The following PTCHD4 variants were observed in gnomAD, a reference collection of about 807,000 sequenced individuals.
The protein encoded by PTCHD4 is patched domain-containing protein 4.
A neutral mutation model predicts 58.1 loss-of-function variants in PTCHD4; 33 were observed. That is an observed-to-expected ratio of 0.57 (90% confidence interval 0.43 to 0.76). PTCHD4 has a LOEUF of 0.76. Among genes scored for constraint, PTCHD4 ranks in the 30% least tolerant of loss-of-function variants. The pLI is 0.00. For synonymous variants in PTCHD4, 478 were observed against 409.6 expected (o/e 1.17, Z -2.02); for missense variants, 1,058 against 1,027.1 (o/e 1.03, Z -0.41).
rs1581801648 is a variant in PTCHD4, at chr6:47,869,850, G to C, written c.*8453C>G. Among the ~76,000 whole-genome samples the C allele has an allele frequency of 6.6e-6, 1 of 151,748 alleles. No individual in the cohort carries two copies. The highest frequency in any genetic ancestry group is 2.0e-4 in the East Asian group (1 of 5,128). On this transcript the variant is annotated 3_prime_UTR_variant, in exon 5 of 5. Coordinates refer to ENST00000339488, the MANE Select transcript of PTCHD4 (RefSeq NM_001384253.1). ...TTTAGGAAGTTTAATTCTTAGCCTAGAATTAAAAGGTAGCATGCTCGAAGT... is the reference window on the plus strand; with the variant it reads ...TTTAGGAAGTTTAATTCTTAGCCTACAATTAAAAGGTAGCATGCTCGAAGT...
intron 4 of PTCHD4, among the ~76,000 whole-genome samples, chr6:47,888,649 TTTTG>T (rs1272620495): frequency 1.3e-5 from 2 of 151,776 alleles, no homozygotes; most frequent in African/African-American, 2.4e-5. Flanking sequence ...GTTTGTTTGT[TTTTG>T]TTTTTGTTTT....
At position 48,081,524 on chromosome 6, in the gene PTCHD4, T is replaced by C. The variant is rs538760102; in HGVS notation, c.-969-11598A>G. 2.9e-4 allele frequency among the ~76,000 whole-genome samples: 44 copies of C among 152,214 alleles called. 1 individual carries two copies. In the South Asian group the frequency reaches 6.2e-3, roughly 22 times the overall value. On this transcript the variant is annotated intron_variant, in intron 1 of 4. Coordinates refer to ENST00000339488, the MANE Select transcript of PTCHD4 (RefSeq NM_001384253.1). ...AAAGCTCACACCTCTTAGACTAGCG[T>C]GAGGATTAAGTGAAATAACAAATAT... is the stretch of plus-strand genomic sequence containing the variant.
chr6:48,088,244 G>A (rs759174300), intron 1 of PTCHD4, among the ~76,000 whole-genome samples: 31 of 152,004 alleles, frequency 2.0e-4, no homozygotes, highest in Non-Finnish European at 2.6e-4. Flanking sequence ...TGCCCCGTTT[G>A]GAAGGGTGGG....
chr6:47,926,195 T>C (rs902962088), intron 4 of PTCHD4, among the ~76,000 whole-genome samples: 5 of 152,190 alleles, frequency 3.3e-5, no homozygotes, highest in African/African-American at 1.2e-4. Flanking sequence ...AGGTGAGTGC[T>C]CTAGGTTGAC....
intron 4 of PTCHD4, among the ~76,000 whole-genome samples, chr6:47,935,849 A>G (rs1361763543): frequency 6.6e-6 from 1 of 152,224 alleles, no homozygotes; most frequent in Non-Finnish European, 1.5e-5. Context: ...GATAACAAGT[A>G]GTATGGAGAA....
At chr6:48,034,672 C>T (rs1000467798) in intron 3 of PTCHD4, among the ~76,000 whole-genome samples, 7 of 152,032 alleles carry the variant, frequency 4.6e-5, no homozygotes, top group Non-Finnish European at 8.8e-5. Context: ...TACTCCTGAG[C>T]CATGGCATAC....
At chr6:48,011,352 T>C (rs1397526810) in intron 3 of PTCHD4, among the ~76,000 whole-genome samples, 1 of 152,220 alleles carries the variant, frequency 6.6e-6, no homozygotes, top group Non-Finnish European at 1.5e-5. Context: ...TTTCTTCATA[T>C]GTTTATTGGC....
rs570059579 is a variant in PTCHD4 at position 47,871,917 on chromosome 6, A to G, written c.*6386T>C. Among the ~76,000 whole-genome samples the G allele has an allele frequency of 6.6e-6, 1 of 151,796 alleles. No individual in the cohort carries two copies. Among genetic ancestry groups the G allele is most frequent in the East Asian group, 1.9e-4 (1 of 5,136 alleles). On this transcript the variant is annotated 3_prime_UTR_variant, in exon 5 of 5. Coordinates refer to ENST00000339488, the MANE Select transcript of PTCHD4 (RefSeq NM_001384253.1). ...TGACTAGTTTAAGGTCTAGTTTATCAGTTTGTAGCACATTTATGTTTGTGA... is the reference window on the plus strand; with the variant it reads ...TGACTAGTTTAAGGTCTAGTTTATCGGTTTGTAGCACATTTATGTTTGTGA...
At chr6:48,105,881 T>C (rs1043440852) in intron 1 of PTCHD4, among the ~76,000 whole-genome samples, 7 of 151,672 alleles carry the variant, frequency 4.6e-5, no homozygotes, top group Admixed American at 2.6e-4. Flanking sequence ...ACACATACAC[T>C]CTCCCAAGAC....
At chr6:47,929,517 TTTAGTCCTTTCATCTTGCAG>T (rs1765739772) in intron 4 of PTCHD4, among the ~76,000 whole-genome samples, 1 of 152,242 alleles carries the variant, frequency 6.6e-6, no homozygotes, top group Non-Finnish European at 1.5e-5. Context: ...AGAACATAAC[TTTAGTCCTTTCATCTTGCAG>T]TAGGTAAAAA....
At chr6:48,073,859 A>T (rs1234199861) in intron 1 of PTCHD4, among the ~76,000 whole-genome samples, 1 of 152,176 alleles carries the variant, frequency 6.6e-6, no homozygotes, top group South Asian at 2.1e-4. Context: ...GCTGAAAAAA[A>T]TGCAGTTTAA....
intron 3 of PTCHD4, among the ~76,000 whole-genome samples, chr6:48,044,498 A>G (rs1314325985): frequency 6.6e-6 from 1 of 151,854 alleles, no homozygotes; most frequent in Non-Finnish European, 1.5e-5. Context: ...GAAAAACATT[A>G]TTTATCATTT....
In PTCHD4 at chr6:47,863,432, T is replaced by C. The variant is rs1237703796; in HGVS notation, c.*14871A>G. ...ATTATTTGGCCTAATAATATAATAG[T>C]GTTTCAGCCTCATTATTTCTGGTTC... On this transcript the variant is annotated 3_prime_UTR_variant, in exon 5 of 5. Transcript: ENST00000339488. 2.0e-5 allele frequency among the ~76,000 whole-genome samples: 3 copies of C among 151,902 alleles called. No homozygotes were observed. The highest frequency in any genetic ancestry group is 7.2e-5 in the African/African-American group (3 of 41,394).
chr6:47,901,598 A>T, intron 4 of PTCHD4: 1 of 1,059,424 alleles, frequency 9.4e-7, no homozygotes, highest in Non-Finnish European at 1.1e-6. Flanking sequence ...GTTTCCCATG[A>T]GAGGAGTCAG....
intron 4 of PTCHD4, among the ~76,000 whole-genome samples, chr6:47,965,648 G>T (rs1464122296): frequency 3.3e-5 from 5 of 152,184 alleles, no homozygotes; most frequent in African/African-American, 9.7e-5. Context: ...CTTGGTTCTG[G>T]CCTGGAGCGT....
chr6:47,983,047 GAATTA>G (rs1767941456), intron 4 of PTCHD4, among the ~76,000 whole-genome samples: 1 of 152,112 alleles, frequency 6.6e-6, no homozygotes, highest in Non-Finnish European at 1.5e-5. Flanking sequence ...GAAATTAATT[GAATTA>G]AAGAGATAAT....
chr6:48,033,236 G>A (rs577812611), intron 3 of PTCHD4, among the ~76,000 whole-genome samples: 13 of 152,010 alleles, frequency 8.6e-5, no homozygotes, highest in Admixed American at 5.2e-4. Context: ...GTGTGGAGCC[G>A]GAATATTATA....
intron 4 of PTCHD4, among the ~76,000 whole-genome samples, chr6:48,002,679 C>T (rs1768780898): frequency 6.6e-6 from 1 of 151,892 alleles, no homozygotes; most frequent in Admixed American, 6.6e-5. Context: ...TTACTGGGTG[C>T]AGCACACCAA....
intron 3 of PTCHD4, among the ~76,000 whole-genome samples, chr6:48,009,658 C>T (rs1482351569): frequency 1.3e-5 from 2 of 152,090 alleles, no homozygotes; most frequent in East Asian, 1.9e-4. Context: ...TAATTGCATA[C>T]CGAAGAGCAG....
Sources: allele counts gnomAD v4.1 joint callset (sites outside exome capture counted in the v4.1 genomes callset), GRCh38; gene constraint gnomAD v4.1.1; transcripts MANE v1.5; gene names NCBI Gene and HGNC (gene_info 2026-07-23, HGNC 2026-07-21).